The following NUBPL variants were observed in gnomAD, a reference collection of about 807,000 sequenced individuals.
The protein encoded by NUBPL is NUBP iron-sulfur cluster assembly factor, mitochondrial.
NUBPL carries 31 observed loss-of-function variants against 45.7 expected under a neutral mutation model. The observed-to-expected ratio is 0.68, with a 90% CI of 0.51 to 0.92. The LOEUF is 0.92. NUBPL is among the 40% of genes least tolerant of loss of function. The pLI, the probability that NUBPL is intolerant of heterozygous loss-of-function variation, is 0.00. For synonymous variants in NUBPL, 144 were observed against 140.9 expected (o/e 1.02, Z -0.15); for missense variants, 401 against 398.7 (o/e 1.01, Z -0.05).
intron 6 of NUBPL, among the ~76,000 whole-genome samples, chr14:31,757,910 A>T (rs1330230489): frequency 6.6e-6 from 1 of 151,734 alleles, no homozygotes; most frequent in Admixed American, 6.6e-5. Context: ...TTTTTTTCAG[A>T]TATACCAATT....
chr14:31,657,064 T>A (rs531591428), intron 4 of NUBPL, among the ~76,000 whole-genome samples: 1 of 152,352 alleles, frequency 6.6e-6, no homozygotes, highest in South Asian at 2.1e-4. Context: ...ACAGCTATTA[T>A]ATAAATTGAT....
intron 4 of NUBPL, among the ~76,000 whole-genome samples, chr14:31,658,995 A>G (rs549116330): frequency 1.3e-5 from 2 of 152,322 alleles, no homozygotes; most frequent in East Asian, 3.9e-4. Flanking sequence ...TCAGATGCTA[A>G]AGGAGATTAG....
intron 4 of NUBPL, among the ~76,000 whole-genome samples, chr14:31,601,939 C>T (rs540550253): frequency 2.0e-5 from 3 of 152,280 alleles, no homozygotes; most frequent in East Asian, 1.9e-4. Context: ...CACGTGCACA[C>T]GTATGTTTAC....
chr14:31,655,889 T>C (rs898915851), intron 4 of NUBPL, among the ~76,000 whole-genome samples: 1 of 152,110 alleles, frequency 6.6e-6, no homozygotes, highest in African/African-American at 2.4e-5. Flanking sequence ...ATTAAGAGAG[T>C]AAACCTATTA....
chr14:31,735,460 A>C (rs1162863519), intron 6 of NUBPL, among the ~76,000 whole-genome samples: 2 of 152,198 alleles, frequency 1.3e-5, no homozygotes, highest in Non-Finnish European at 2.9e-5. Flanking sequence ...AAATAACTGA[A>C]AAGTATAGGG....
At chr14:31,699,842 G>A (rs536828846) in intron 6 of NUBPL, among the ~76,000 whole-genome samples, 36 of 152,282 alleles carry the variant, frequency 2.4e-4, no homozygotes, top group Admixed American at 2.1e-3. Flanking sequence ...TGAGAAGTTT[G>A]ATACTCTTCT....
At chr14:31,790,943 A>G (rs1290688329) in intron 7 of NUBPL, among the ~76,000 whole-genome samples, 1 of 152,098 alleles carries the variant, frequency 6.6e-6, no homozygotes, top group Non-Finnish European at 1.5e-5. Context: ...TTTTACATTA[A>G]AGGAAGACCA....
chr14:31,670,684 A>G (rs2036550102), intron 4 of NUBPL, among the ~76,000 whole-genome samples: 1 of 152,110 alleles, frequency 6.6e-6, no homozygotes, highest in South Asian at 2.1e-4. Context: ...TTCAATTTCT[A>G]CTTATGACTA....
At chr14:31,829,473 G>C (rs2040156308) in intron 8 of NUBPL, among the ~76,000 whole-genome samples, 2 of 152,244 alleles carry the variant, frequency 1.3e-5, no homozygotes, top group Admixed American at 1.3e-4. Context: ...AGAAGGTCTG[G>C]GCTATGAGTG....
chr14:31,849,805 T>C (rs572134350), intron 9 of NUBPL, among the ~76,000 whole-genome samples: 3 of 152,272 alleles, frequency 2.0e-5, no homozygotes, highest in Middle Eastern at 3.4e-3. Context: ...ATGGGAGAAA[T>C]CATTTGCAAA....
chr14:31,826,922 C>T (rs903605260), intron 8 of NUBPL, among the ~76,000 whole-genome samples: 3 of 152,052 alleles, frequency 2.0e-5, no homozygotes, highest in African/African-American at 7.2e-5. Context: ...TGTAAAACAC[C>T]CTTTAGGTAA....
rs533284968 is a variant in NUBPL, at chr14:31,648,547, C to T, written c.383-24808C>T. Among the ~76,000 whole-genome samples, 10 of 152,274 alleles carry T rather than the reference C, an allele frequency of 6.6e-5. No individual in the cohort carries two copies. In the South Asian group the frequency reaches 1.9e-3, roughly 28 times the overall value. ...AAGTTTTATAGTCGTGGTGATATTA[C>T]ATGTGTGTATTTGTGTTAAAGGTGT... On this transcript the variant is annotated intron_variant, in intron 4 of 10. Transcript: ENST00000281081.
At chr14:31,707,181 A>G (rs949170648) in intron 6 of NUBPL, among the ~76,000 whole-genome samples, 1 of 152,200 alleles carries the variant, frequency 6.6e-6, no homozygotes, top group Non-Finnish European at 1.5e-5. Context: ...TCCTGTTAGG[A>G]AACCTGCTGG....
chr14:31,784,780 G>A (rs934924925), intron 6 of NUBPL, among the ~76,000 whole-genome samples: 1 of 152,108 alleles, frequency 6.6e-6, no homozygotes, highest in Admixed American at 6.5e-5. Context: ...TCAAGTACAT[G>A]TGTTTGGGAA....
At chr14:31,630,766 A>C (rs531907784) in intron 4 of NUBPL, among the ~76,000 whole-genome samples, 7 of 152,254 alleles carry the variant, frequency 4.6e-5, no homozygotes, top group Non-Finnish European at 1.0e-4. Flanking sequence ...CCAATGCTCC[A>C]TGTATTGTGA....
intron 6 of NUBPL, among the ~76,000 whole-genome samples, chr14:31,751,047 C>G (rs1019477607): frequency 6.6e-6 from 1 of 152,088 alleles, no homozygotes; most frequent in Non-Finnish European, 1.5e-5. Context: ...AACTCACTCA[C>G]TATTATGAGA....
chr14:31,671,177 A>T (rs117771335), intron 4 of NUBPL, among the ~76,000 whole-genome samples: 3,116 of 152,080 alleles, frequency 0.02, 48 homozygotes, highest in Non-Finnish European at 0.028. Context: ...CTCATTGTAG[A>T]GATTTTTCAC....
intron 7 of NUBPL, among the ~76,000 whole-genome samples, chr14:31,793,788 A>G (rs993461783): frequency 6.8e-6 from 1 of 147,598 alleles, no homozygotes; most frequent in Non-Finnish European, 1.5e-5. Context: ...CTGACTAGCT[A>G]TTACTGTTTA....
chr14:31,830,906 C>G (rs995485058), intron 8 of NUBPL, among the ~76,000 whole-genome samples: 1 of 152,140 alleles, frequency 6.6e-6, no homozygotes, highest in Admixed American at 6.6e-5. Flanking sequence ...TTTTTCTCCT[C>G]AGGACCCTTA....
Sources: gnomAD v4.1 joint callset for allele counts (sites outside exome capture counted in the v4.1 genomes callset) on GRCh38, gnomAD v4.1.1 for gene constraint, MANE v1.5 for transcripts, NCBI Gene and HGNC (gene_info 2026-07-23, HGNC 2026-07-21) for gene names.